Variants in FBXL20 observed in about 807,000 individuals in gnomAD.
FBXL20 encodes the protein F-box and leucine rich repeat protein 20.
In FBXL20, 11 loss-of-function variants were observed where a neutral mutation model predicts 64.0. The observed-to-expected ratio is 0.17, with a 90% CI of 0.11 to 0.28. The LOEUF is 0.28. Ranked by LOEUF, FBXL20 falls within the 10% of genes least tolerant of loss-of-function variation. The probability of loss-of-function intolerance (pLI) is 1.00; values close to 1 mark genes in which losing one functional copy is unlikely to be tolerated. For missense variants in FBXL20, 303 were observed against 526.2 expected (o/e 0.58, Z 4.15); for synonymous variants, 184 against 189.0 (o/e 0.97, Z 0.22).
At chr17:39,348,136 G>T (rs1265592539) in intron 1 of FBXL20, among the ~76,000 whole-genome samples, 3 of 148,834 alleles carry the variant, frequency 2.0e-5, no homozygotes, top group Non-Finnish European at 2.9e-5. Context: ...ATGTTCTCAG[G>T]ATCTCCTGAG....
intron 1 of FBXL20, among the ~76,000 whole-genome samples, chr17:39,347,352 T>C (rs1248842942): frequency 6.6e-6 from 1 of 152,204 alleles, no homozygotes; most frequent in Non-Finnish European, 1.5e-5. Context: ...CCAGCACCTG[T>C]TGTTTCCCGA....
intron 2 of FBXL20, among the ~76,000 whole-genome samples, chr17:39,316,522 T>C (rs1002532184): frequency 2.0e-5 from 3 of 152,130 alleles, no homozygotes; most frequent in East Asian, 3.8e-4. Flanking sequence ...GCTCAAAGAA[T>C]GATGGGGACA....
At chr17:39,335,004 A>T (rs2047506547) in intron 2 of FBXL20, among the ~76,000 whole-genome samples, 1 of 152,198 alleles carries the variant, frequency 6.6e-6, no homozygotes, top group Non-Finnish European at 1.5e-5. Flanking sequence ...TGAGGAAGAG[A>T]AAGAGCTGGA....
intron 1 of FBXL20, among the ~76,000 whole-genome samples, chr17:39,395,910 A>G (rs1467470920): frequency 6.6e-6 from 1 of 152,112 alleles, no homozygotes; most frequent in African/African-American, 2.4e-5. Flanking sequence ...GGTTAGCAGA[A>G]GAGAGCGTTC....
chr17:39,280,633 T>C (rs1374416679), intron 9 of FBXL20, among the ~76,000 whole-genome samples: 1 of 151,932 alleles, frequency 6.6e-6, no homozygotes, highest in African/African-American at 2.4e-5. Context: ...GGTGCCTGAA[T>C]AGTTTCAGCA....
In FBXL20 at chr17:39,267,847, G is replaced by A. The variant is rs555201456; in HGVS notation, c.933+980C>T. Among the ~76,000 whole-genome samples the A allele has an allele frequency of 2.6e-5, 4 of 152,304 alleles. No homozygotes were observed. The East Asian group carries it at 5.8e-4, about 22-fold the overall frequency. ...AGGGACATAGAGGACACTCAGGCATGTATAAGAGATAAACGGATGCGAACA... is the reference window on the plus strand; with the variant it reads ...AGGGACATAGAGGACACTCAGGCATATATAAGAGATAAACGGATGCGAACA... On this transcript the variant is annotated intron_variant, in intron 12 of 14. Transcript: ENST00000264658.
chr17:39,393,777 C>T (rs1260062688), intron 1 of FBXL20, among the ~76,000 whole-genome samples: 1 of 152,086 alleles, frequency 6.6e-6, no homozygotes, highest in African/African-American at 2.4e-5. Flanking sequence ...GCTGAATACC[C>T]AATAAAATCA....
At chr17:39,306,436 T>C (rs968312233) in intron 2 of FBXL20, among the ~76,000 whole-genome samples, 3 of 152,238 alleles carry the variant, frequency 2.0e-5, no homozygotes, top group African/African-American at 7.2e-5. Flanking sequence ...GAAGTTTTTC[T>C]CCTGTTTTCT....
At chr17:39,280,380 C>T (rs911674431) in intron 9 of FBXL20, among the ~76,000 whole-genome samples, 2 of 128,624 alleles carry the variant, frequency 1.6e-5, no homozygotes, top group East Asian at 2.3e-4. Context: ...CTAGCCTGGG[C>T]GACACAGTGA....
Position 39,282,828 on chromosome 17 carries a change from C to T in FBXL20, c.522G>A (p.Leu174=). ...TTACTTGGTCACACCAGGAAATGTT[C>T]AACTGCTCCAACAGTGGACATCCCT... The part of the protein sequence containing the change: ...LSEGCPLLEQ[L]NISWCDQVTK... The change falls in exon 8 of 15, where the codon TTG becomes TTA. Residue 174 remains leucine (L), a synonymous_variant. Transcript: ENST00000264658. 2 of 1,614,100 alleles carry T rather than the reference C, an allele frequency of 1.2e-6. No homozygotes were observed. Among genetic ancestry groups the T allele is most frequent in the East Asian group, 2.2e-5 (1 of 44,872 alleles).
intron 6 of FBXL20, among the ~76,000 whole-genome samples, chr17:39,295,784 G>A (rs945485851): frequency 7.3e-6 from 1 of 137,068 alleles, no homozygotes; most frequent in African/African-American, 2.7e-5. Flanking sequence ...CAAATATGGA[G>A]ATATATATAT....
chr17:39,270,900 C>G (rs2046838062), intron 10 of FBXL20, 44 bp from the exon 11 acceptor site: 1 of 1,481,228 alleles, frequency 6.8e-7, no homozygotes, highest in African/African-American at 1.4e-5. Flanking sequence ...AGCTCTTGGT[C>G]CCTGAAAACT....
At chr17:39,343,856 C>T (rs1004866386) in intron 1 of FBXL20, among the ~76,000 whole-genome samples, 8 of 151,832 alleles carry the variant, frequency 5.3e-5, no homozygotes, top group African/African-American at 7.3e-5. Context: ...CCACCATGCC[C>T]GGCTAATTTT....
At chr17:39,278,764 T>C (rs1798894510) in intron 9 of FBXL20, among the ~76,000 whole-genome samples, 1 of 113,434 alleles carries the variant, frequency 8.8e-6, no homozygotes, top group Non-Finnish European at 1.8e-5. Flanking sequence ...CAGGCTGGTC[T>C]CGATCTCCTG....
chr17:39,286,909 C>CTTTTTTTT (rs35221372), intron 6 of FBXL20, among the ~76,000 whole-genome samples: 4 of 114,562 alleles, frequency 3.5e-5, no homozygotes, highest in Non-Finnish European at 6.9e-5. Context: ...GTATCTATTT[C>CTTTTTTTT]TTTTTTTTTT....
chr17:39,306,429 G>GT, intron 2 of FBXL20, among the ~76,000 whole-genome samples: 1 of 152,122 alleles, frequency 6.6e-6, no homozygotes, highest in East Asian at 1.9e-4. Context: ...ATGTCATGAA[G>GT]TTTTTCTCCT....
intron 2 of FBXL20, among the ~76,000 whole-genome samples, chr17:39,342,453 C>T (rs2047591901): frequency 1.3e-5 from 2 of 151,664 alleles, no homozygotes; most frequent in Admixed American, 6.6e-5. Flanking sequence ...CCGTGGCTCA[C>T]GCCTGTAATC....
intron 1 of FBXL20, among the ~76,000 whole-genome samples, chr17:39,378,956 A>G (rs1442306800): frequency 1.4e-5 from 2 of 148,140 alleles, no homozygotes; most frequent in African/African-American, 4.9e-5. Flanking sequence ...GGCCAGGCAC[A>G]GTGGCTCACG....
At chr17:39,350,756 A>G (rs959613104) in intron 1 of FBXL20, among the ~76,000 whole-genome samples, 11 of 152,186 alleles carry the variant, frequency 7.2e-5, no homozygotes, top group Admixed American at 2.0e-4. Flanking sequence ...TTAGTGGTTA[A>G]GAACGGATGG....
Sources: gnomAD v4.1 joint callset for allele counts (sites outside exome capture counted in the v4.1 genomes callset) on GRCh38, gnomAD v4.1.1 for gene constraint, MANE v1.5 for transcripts, NCBI Gene and HGNC (gene_info 2026-07-23, HGNC 2026-07-21) for gene names.